Variants in RBM27 observed in about 807,000 individuals in gnomAD.
The protein encoded by RBM27 is RNA binding motif protein 27, also known as RNA-binding protein 27.
In RBM27, 22 loss-of-function variants were observed where a neutral mutation model predicts 135.3. The ratio of observed to expected loss-of-function variants is 0.16; its 90% CI spans 0.12 to 0.23. RBM27 has a LOEUF of 0.23. Among genes scored for constraint, RBM27 ranks in the 10% least tolerant of loss-of-function variants. The probability of loss-of-function intolerance (pLI) is 1.00; values close to 1 mark genes in which losing one functional copy is unlikely to be tolerated. For synonymous variants in RBM27, 481 were observed against 442.4 expected, an observed-to-expected ratio of 1.09 and a Z score of -1.10; for missense variants, 1,009 against 1,281.0, an observed-to-expected ratio of 0.79 and a Z score of 3.24.
chr5:146,252,403 C>A (rs1757930211), intron 9 of RBM27, among the ~76,000 whole-genome samples: 1 of 152,124 alleles, frequency 6.6e-6, no homozygotes, highest in South Asian at 2.1e-4. Context: ...GTGTTTTTAA[C>A]CCTTTCTCAC....
chr5:146,226,787 C>G (rs115235048), intron 3 of RBM27, among the ~76,000 whole-genome samples: 1,682 of 152,170 alleles, frequency 0.011, 25 homozygotes, highest in African/African-American at 0.034. Flanking sequence ...ATGGATAATG[C>G]CAGTTTCTGT....
chr5:146,209,054 A>G (rs559554370), intron 1 of RBM27, among the ~76,000 whole-genome samples: 2 of 152,150 alleles, frequency 1.3e-5, no homozygotes, highest in South Asian at 4.1e-4. Context: ...GACTTAGGAT[A>G]AGTTGTCTAA....
intron 6 of RBM27, 120 bp from the exon 7 acceptor site, chr5:146,233,330 A>G (rs375709978): frequency 1.4e-6 from 2 of 1,448,792 alleles, no homozygotes; most frequent in African/African-American, 1.4e-5. Context: ...GAGACTTTGG[A>G]TTCCTTGGAG....
intron 14 of RBM27, among the ~76,000 whole-genome samples, chr5:146,266,356 A>G (rs569451786): frequency 7.9e-5 from 12 of 152,336 alleles, no homozygotes; most frequent in Non-Finnish European, 1.6e-4. Flanking sequence ...TATGAAGTAA[A>G]GGAGACTATA....
intron 2 of RBM27, among the ~76,000 whole-genome samples, chr5:146,220,165 A>C (rs1031408567): frequency 2.6e-5 from 4 of 152,048 alleles, no homozygotes; most frequent in African/African-American, 9.7e-5. Flanking sequence ...TACTTGGTAC[A>C]TGGAAGATGT....
rs1221031259 is a variant in RBM27, at chr5:146,272,561, A to G, written c.2988+887A>G. ...ACATGGTGAAACCCCATCTCTACTA[A>G]AAATACAAAAATTAGCTGGGTGTGG... On this transcript the variant is annotated intron_variant, in intron 19 of 20. Transcript: ENST00000265271. 2.0e-5 allele frequency among the ~76,000 whole-genome samples: 3 copies of G among 152,004 alleles called. No homozygotes were observed. In the East Asian group the frequency reaches 5.8e-4, roughly 29 times the overall value.
At position 146,258,426 on chromosome 5, in the gene RBM27, A is replaced by G. The variant is rs1758216165; in HGVS notation, c.1595-23A>G. The G allele has an allele frequency of 2.6e-6, 4 of 1,526,482 alleles. No homozygotes were observed. The African/African-American group carries it at 5.6e-5, about 22-fold the overall frequency. The allele number at this position is 1,526,482 out of a possible 1,614,324, so 94.6% of individuals were successfully genotyped here. ...ATTGAGACTCCTGAAAAACTCAGTA[A>G]TTTCAATTTTTTTTTCCAACAGCTG... On this transcript the variant is annotated intron_variant, in intron 10 of 20. Coordinates refer to ENST00000265271, the MANE Select transcript of RBM27 (RefSeq NM_018989.2).
chr5:146,271,124 G>A, intron 18 of RBM27, 66 bp downstream of exon 18: 3 of 1,213,236 alleles, frequency 2.5e-6, no homozygotes, highest in Non-Finnish European at 2.4e-6. Context: ...CCTTTGACCG[G>A]GCGCGGTGGC....
In RBM27 at chr5:146,203,630, G is replaced by A. The variant is rs1474467493; in HGVS notation, c.-136G>A. On this transcript the variant is annotated 5_prime_UTR_variant, in exon 1 of 21. Coordinates refer to ENST00000265271, the MANE Select transcript of RBM27 (RefSeq NM_018989.2). ...AGTTCCTGTTAGGCCCCGGCCGGGG[G>A]AGTAGGTTGAAGTCTCCTAAGATGC... is the stretch of plus-strand genomic sequence containing the variant. The A allele has an allele frequency of 6.6e-6, 5 of 753,482 alleles. No homozygotes were observed. In the South Asian group the frequency reaches 8.3e-5, roughly 13 times the overall value. The allele number at this position is 753,482 out of a possible 1,614,324, so 46.7% of individuals were successfully genotyped here.
chr5:146,206,791 C>T (rs1036929781), intron 1 of RBM27, among the ~76,000 whole-genome samples: 1 of 151,868 alleles, frequency 6.6e-6, no homozygotes, highest in African/African-American at 2.4e-5. Flanking sequence ...CTGTGTTGGC[C>T]AGGTTGGTCT....
At chr5:146,207,016 G>T (rs1407593116) in intron 1 of RBM27, among the ~76,000 whole-genome samples, 1 of 152,058 alleles carries the variant, frequency 6.6e-6, no homozygotes, top group East Asian at 1.9e-4. Flanking sequence ...TGTTTGTTTA[G>T]ATATCCTAAA....
At position 146,289,118 on chromosome 5, in the gene RBM27, A is replaced by T. The variant is rs1406822343; in HGVS notation, c.*3088A>T. ...TTTTGCAATAAAGATGCAATATGGAATGGTTCACAATTGGAAAAAAAAAAG... is the reference window on the plus strand; with the variant it reads ...TTTTGCAATAAAGATGCAATATGGATTGGTTCACAATTGGAAAAAAAAAAG... On this transcript the variant is annotated 3_prime_UTR_variant, in exon 21 of 21. Coordinates refer to ENST00000265271, the MANE Select transcript of RBM27 (RefSeq NM_018989.2). The T allele has an allele frequency of 1.3e-5, 2 of 152,014 alleles. No individual in the cohort carries two copies. Among genetic ancestry groups the T allele is most frequent in the Non-Finnish European group, 2.9e-5 (2 of 67,916 alleles). The allele number at this position is 152,014 out of a possible 1,614,324, so 9.4% of individuals were successfully genotyped here.
At chr5:146,210,019 C>G (rs775752926) in intron 1 of RBM27, among the ~76,000 whole-genome samples, 3 of 152,156 alleles carry the variant, frequency 2.0e-5, no homozygotes, top group African/African-American at 4.8e-5. Flanking sequence ...TTCTCTTATC[C>G]TCTTACAGTG....
At position 146,203,691 on chromosome 5, in the gene RBM27, C is replaced by G; in HGVS notation, c.-75C>G. 1 of 1,369,330 alleles carries G rather than the reference C, an allele frequency of 7.3e-7. No individual in the cohort carries two copies. The highest frequency in any genetic ancestry group is 1.3e-5 in the South Asian group (1 of 79,578). 84.8% of individuals were successfully genotyped at this position (1,369,330 alleles called of 1,614,324 possible). ...GGGGCACCGGGAGCTGTGAAGGGAA[C>G]GTGAGGGGGCGGCGTAGTGGAGACC... On this transcript the variant is annotated 5_prime_UTR_variant, in exon 1 of 21. Transcript: ENST00000265271.
intron 8 of RBM27, 43 bp from the exon 9 acceptor site, chr5:146,251,668 G>A: frequency 6.5e-7 from 1 of 1,528,298 alleles, no homozygotes; most frequent in Non-Finnish European, 9.0e-7. Flanking sequence ...AGAGAAGCTT[G>A]TGACTCTCAT....
chr5:146,265,272 A>G (rs1758566748), intron 14 of RBM27, among the ~76,000 whole-genome samples: 1 of 152,218 alleles, frequency 6.6e-6, no homozygotes, highest in East Asian at 1.9e-4. Context: ...TAAAGAATGA[A>G]GAATATTTTT....
intron 10 of RBM27, among the ~76,000 whole-genome samples, chr5:146,257,677 A>G (rs1002522106): frequency 6.6e-6 from 1 of 152,194 alleles, no homozygotes; most frequent in Admixed American, 6.5e-5. Flanking sequence ...CCATAATTCC[A>G]TAATAATATG....
At chr5:146,283,134 A>T (rs1410230469) in intron 19 of RBM27, among the ~76,000 whole-genome samples, 2 of 152,326 alleles carry the variant, frequency 1.3e-5, no homozygotes, top group Non-Finnish European at 2.9e-5. Context: ...TTCAAATAAT[A>T]AAGAAATGAA....
chr5:146,247,377 C>G (rs2116749), intron 8 of RBM27, among the ~76,000 whole-genome samples: 57,713 of 151,770 alleles, frequency 0.38, 11,526 homozygotes, highest in African/African-American at 0.49. Context: ...GTTTACTATT[C>G]CTTGTGAAAT....
Sources: gnomAD v4.1 joint callset for allele counts (sites outside exome capture counted in the v4.1 genomes callset) on GRCh38, gnomAD v4.1.1 for gene constraint, MANE v1.5 for transcripts, NCBI Gene and HGNC (gene_info 2026-07-23, HGNC 2026-07-21) for gene names.